Variants in UNC80 observed in about 807,000 individuals in gnomAD.
UNC80 encodes the protein protein unc-80 homolog.
UNC80 carries 164 observed loss-of-function variants against 384.6 expected under a neutral mutation model. The ratio of observed to expected loss-of-function variants is 0.43; its 90% CI spans 0.38 to 0.49. UNC80 has a LOEUF of 0.49. UNC80 is among the 20% of genes least tolerant of loss of function. The pLI is 0.00. For missense variants in UNC80, 3,330 were observed against 4,143.0 expected, an observed-to-expected ratio of 0.80 and a Z score of 5.39; for synonymous variants, 1,486 against 1,527.8, an observed-to-expected ratio of 0.97 and a Z score of 0.64.
At chr2:209,801,062 A>G (rs1317025294) in intron 7 of UNC80, among the ~76,000 whole-genome samples, 2 of 152,194 alleles carry the variant, frequency 1.3e-5, no homozygotes, top group Admixed American at 1.3e-4. Context: ...GTAAACGTCT[A>G]CTAAGTCTGC....
In UNC80 at chr2:209,771,878, C is replaced by T. The variant is rs972722637; in HGVS notation, c.-195C>T. The T allele has an allele frequency of 3.1e-5, 18 of 584,792 alleles. No homozygotes were observed. Among genetic ancestry groups the T allele is most frequent in the Admixed American group, 1.8e-4 (7 of 38,000 alleles). 36.2% of individuals were successfully genotyped at this position (584,792 alleles called of 1,614,324 possible). A position where few individuals can be genotyped will look rare whatever the true frequency, so the allele number is the denominator to read the frequency against. Reference sequence around the variant, plus strand: ...GCTCCGCGGCTCCTCCAGCCCTCCCCTCCTCCCGCAGCCATGTTCCACGCG... The same window carrying T: ...GCTCCGCGGCTCCTCCAGCCCTCCCTTCCTCCCGCAGCCATGTTCCACGCG... On this transcript the variant is annotated 5_prime_UTR_variant, in exon 1 of 65. Coordinates refer to ENST00000673920, the MANE Select transcript of UNC80 (RefSeq NM_001371986.1).
At chr2:209,902,502 C>G (rs915975487) in intron 28 of UNC80, among the ~76,000 whole-genome samples, 1 of 152,102 alleles carries the variant, frequency 6.6e-6, no homozygotes, top group Non-Finnish European at 1.5e-5. Context: ...AGAGAAAAAC[C>G]TTTCATGAAA....
chr2:209,989,765 A>T (rs1181515117), intron 61 of UNC80, among the ~76,000 whole-genome samples: 2 of 152,176 alleles, frequency 1.3e-5, no homozygotes, highest in Non-Finnish European at 2.9e-5. Context: ...ATGTGGAGAG[A>T]AGCTAAACTG....
At chr2:209,898,033 A>C (rs1311054992) in intron 28 of UNC80, among the ~76,000 whole-genome samples, 1 of 152,110 alleles carries the variant, frequency 6.6e-6, no homozygotes, top group Non-Finnish European at 1.5e-5. Flanking sequence ...ATATTCTGTT[A>C]AGATCATTTT....
chr2:209,778,010 T>C (rs998925083), intron 4 of UNC80, among the ~76,000 whole-genome samples: 7 of 152,216 alleles, frequency 4.6e-5, no homozygotes, highest in African/African-American at 1.7e-4. Flanking sequence ...TAATATCATA[T>C]TTAACATGAA....
chr2:209,898,195 A>G (rs1364007155), intron 28 of UNC80, among the ~76,000 whole-genome samples: 2 of 151,928 alleles, frequency 1.3e-5, no homozygotes, highest in African/African-American at 4.8e-5. Context: ...CATTTTTAGA[A>G]TGTTGAATTT....
chr2:209,965,700 C>T (rs948676354), intron 51 of UNC80, among the ~76,000 whole-genome samples: 6 of 151,938 alleles, frequency 3.9e-5, no homozygotes, highest in African/African-American at 1.5e-4. Flanking sequence ...GGATTACAGG[C>T]GTGAGCCAAC....
chr2:209,973,488 C>T (rs1447192838), intron 56 of UNC80, among the ~76,000 whole-genome samples: 1 of 152,102 alleles, frequency 6.6e-6, no homozygotes, highest in Non-Finnish European at 1.5e-5. Flanking sequence ...AGAAACATTA[C>T]CCTTGCAAAA....
rs77846645 is a variant in UNC80 at position 209,827,504 on chromosome 2, C to T, written c.2478+1451C>T. On this transcript the variant is annotated intron_variant, in intron 14 of 64. Transcript: ENST00000673920. ...ATCATACTTTCCTCCCCAGGAGCAC[C>T]GAACACTTCCTATGAGGGCATCCAG... Among the ~76,000 whole-genome samples, 618 of 152,176 alleles carry T rather than the reference C, an allele frequency of 4.1e-3. 4 individuals are homozygous for T. Among genetic ancestry groups the T allele is most frequent in the African/African-American group, 0.014 (589 of 41,522 alleles).
intron 18 of UNC80, among the ~76,000 whole-genome samples, chr2:209,835,262 A>C (rs1433823147): frequency 6.6e-6 from 1 of 152,168 alleles, no homozygotes; most frequent in African/African-American, 2.4e-5. Flanking sequence ...CTTTTCATGC[A>C]CACTACTGAA....
In UNC80 at chr2:209,976,714, T is replaced by TG. The variant is rs2093023936; in HGVS notation, c.8773-197dup. On this transcript the variant is annotated intron_variant, in intron 57 of 64. Transcript: ENST00000673920. This position sits in a 1 kb window ranked among gnomAD's most constrained non-coding sequence, Gnocchi z 4.3. Reference sequence around the variant, plus strand: ...AAGACCCTCGGTACCCATCTACACTTGGTCTTTTCATGCCTCAGTTTCTTA... The same window carrying TG: ...AAGACCCTCGGTACCCATCTACACTTGGGTCTTTTCATGCCTCAGTTTCTTA... 6.6e-6 allele frequency among the ~76,000 whole-genome samples: 1 copy of TG among 152,190 alleles called. No individual in the cohort carries two copies. The highest frequency in any genetic ancestry group is 2.4e-5 in the African/African-American group (1 of 41,440).
chr2:209,800,461 T>C (rs2078469705), intron 7 of UNC80, among the ~76,000 whole-genome samples: 1 of 149,962 alleles, frequency 6.7e-6, no homozygotes, highest in South Asian at 2.1e-4. Flanking sequence ...TCTTTATTAG[T>C]CTAGCTAGTG....
intron 14 of UNC80, 90 bp downstream of exon 14, chr2:209,826,143 C>T: frequency 7.6e-7 from 1 of 1,316,044 alleles, no homozygotes; most frequent in Non-Finnish European, 1.0e-6. Context: ...GTCAGTGTTC[C>T]CTGAAAAATA....
At chr2:209,903,320 ATGTGTGTGTG>A (rs34002751) in intron 28 of UNC80, among the ~76,000 whole-genome samples, 10 of 105,762 alleles carry the variant, frequency 9.5e-5, no homozygotes, top group East Asian at 2.7e-4. Context: ...ATTATATTAT[ATGTGTGTGTG>A]TGTGTGTGTG....
chr2:209,974,326 A>G (rs1002352344), intron 56 of UNC80, among the ~76,000 whole-genome samples: 2 of 152,198 alleles, frequency 1.3e-5, no homozygotes, highest in Non-Finnish European at 2.9e-5. Flanking sequence ...ACTAACCCAT[A>G]TGGATGCTCA....
intron 7 of UNC80, among the ~76,000 whole-genome samples, chr2:209,808,589 G>A (rs893377668): frequency 4.0e-5 from 6 of 151,896 alleles, no homozygotes; most frequent in Admixed American, 2.6e-4. Context: ...GCCAGGCCCG[G>A]CCCACTTGCT....
In UNC80 at chr2:209,849,484, A is replaced by C; in HGVS notation, c.3488A>C (p.Asn1163Thr). The C allele has an allele frequency of 6.4e-7, 1 of 1,550,924 alleles. No homozygotes were observed. The highest frequency in any genetic ancestry group is 8.7e-7 in the Non-Finnish European group (1 of 1,146,476). Residue 1163 changes from asparagine (N) to threonine (T), a missense_variant, in exon 22 of 65, where the codon AAC becomes ACC. Physicochemically the swap from Asn to Thr is moderately conservative, Grantham distance 65 (BLOSUM62 0). Transcript: ENST00000673920. ...CHSFDDHLSPNQDGGKSKNVV... is the reference protein window; with the variant it reads ...CHSFDDHLSPTQDGGKSKNVV... ...AGTTTTGATGATCATCTCTCTCCCA[A>C]CCAAGATGGTGGAAAAAGCAAAAAC... is the stretch of plus-strand genomic sequence containing the variant.
At chr2:209,978,378 C>T in intron 58 of UNC80, 151 bp from the exon 59 acceptor site, 2 of 599,762 alleles carry the variant, frequency 3.3e-6, no homozygotes, top group Non-Finnish European at 5.2e-6. Flanking sequence ...AAAATCCCCA[C>T]TTTCATTTGC....
chr2:209,823,191 C>A (rs2080264805), intron 13 of UNC80, among the ~76,000 whole-genome samples: 1 of 152,166 alleles, frequency 6.6e-6, no homozygotes, highest in African/African-American at 2.4e-5. Context: ...TTAATATCTT[C>A]AATTTTTTTG....
Sources: gnomAD v4.1 joint callset for allele counts (sites outside exome capture counted in the v4.1 genomes callset) on GRCh38, gnomAD v4.1.1 for gene constraint, Gnocchi (gnomAD v3.1) non-coding constraint, MANE v1.5 for transcripts, NCBI Gene and HGNC (gene_info 2026-07-23, HGNC 2026-07-21) for gene names.